ZNF610: variants seen among roughly 807,000 people sequenced by gnomAD.
ZNF610 encodes zinc finger protein 610, also known as zink finger protein.
In ZNF610, 14 loss-of-function variants were observed where a neutral mutation model predicts 14.1. The observed-to-expected ratio is 0.99, with a 90% CI of 0.65 to 1.55. The LOEUF (loss-of-function observed/expected upper bound fraction) is 1.55. Among genes scored for constraint, ZNF610 ranks in the 40% most tolerant of loss-of-function variants. The pLI, the probability that ZNF610 is intolerant of heterozygous loss-of-function variation, is 0.00. For synonymous variants in ZNF610, 185 were observed against 187.6 expected, an observed-to-expected ratio of 0.99 and a Z score of 0.11; for missense variants, 530 against 558.0, an observed-to-expected ratio of 0.95 and a Z score of 0.51.
At chr19:52,341,077 T>C (rs6509632) in intron 1 of ZNF610, among the ~76,000 whole-genome samples, 136,936 of 152,184 alleles carry the variant, frequency 0.9, 62,143 homozygotes, top group African/African-American at 0.98. Context: ...TCGTTCCATT[T>C]TTCAATCTTT....
chr19:52,355,389 C>T (rs1016894842), intron 5 of ZNF610, among the ~76,000 whole-genome samples: 2 of 152,196 alleles, frequency 1.3e-5, no homozygotes, highest in Admixed American at 6.5e-5. Context: ...CCCCCTCTGC[C>T]TGTTCAGGTC....
At chr19:52,344,761 C>T (rs560760156) in intron 1 of ZNF610, among the ~76,000 whole-genome samples, 14 of 152,138 alleles carry the variant, frequency 9.2e-5, no homozygotes, top group African/African-American at 2.2e-4. Flanking sequence ...CTTGCCATTC[C>T]GAGTAGTGTG....
intron 1 of ZNF610, among the ~76,000 whole-genome samples, chr19:52,341,817 A>C (rs1398786498): frequency 1.3e-5 from 2 of 150,240 alleles, no homozygotes; most frequent in Admixed American, 1.3e-4. Flanking sequence ...TTACTTATTT[A>C]TTTATTTTTG....
intron 1 of ZNF610, among the ~76,000 whole-genome samples, chr19:52,340,970 T>C (rs1394086991): frequency 6.6e-6 from 1 of 152,244 alleles, no homozygotes; most frequent in African/African-American, 2.4e-5. Flanking sequence ...CGGGAGCCAC[T>C]GCTCCTGGCC....
At chr19:52,351,917 T>A (rs1262645297) in intron 3 of ZNF610, among the ~76,000 whole-genome samples, 2 of 152,158 alleles carry the variant, frequency 1.3e-5, no homozygotes, top group African/African-American at 4.8e-5. Flanking sequence ...GTTCATGCAT[T>A]TTCCCACTGG....
At chr19:52,345,797 C>G (rs529466060) in intron 1 of ZNF610, among the ~76,000 whole-genome samples, 1 of 151,450 alleles carries the variant, frequency 6.6e-6, no homozygotes, top group Admixed American at 6.6e-5. Flanking sequence ...CTCCGTCTCC[C>G]GGGTTCACAC....
At position 52,367,022 on chromosome 19, in the gene ZNF610, T is replaced by C. The variant is rs1035286049; in HGVS notation, c.*255T>C. On this transcript the variant is annotated 3_prime_UTR_variant, in exon 6 of 6. Coordinates refer to ENST00000403906, the MANE Select transcript of ZNF610 (RefSeq NM_001161425.2). ...ACTACCAGTATAGCATATTCTTGAGTAGGATTCACATTTAACTGCTGGCAC... is the reference window on the plus strand; with the variant it reads ...ACTACCAGTATAGCATATTCTTGAGCAGGATTCACATTTAACTGCTGGCAC... 8.1e-5 allele frequency: 33 copies of C among 409,898 alleles called. No homozygotes were observed. Among genetic ancestry groups the C allele is most frequent in the African/African-American group, 6.5e-4 (32 of 48,888 alleles). The allele number at this position is 409,898 out of a possible 1,614,324, so 25.4% of individuals were successfully genotyped here. A position where few individuals can be genotyped will look rare whatever the true frequency, so the allele number is the denominator to read the frequency against.
intron 5 of ZNF610, among the ~76,000 whole-genome samples, chr19:52,354,826 G>A (rs1414970707): frequency 1.3e-5 from 2 of 151,972 alleles, no homozygotes; most frequent in Admixed American, 1.3e-4. Flanking sequence ...TGATCTGCCT[G>A]CCTCAGCCTC....
chr19:52,336,899 C>A (rs1018473118), intron 1 of ZNF610, among the ~76,000 whole-genome samples: 2 of 152,090 alleles, frequency 1.3e-5, no homozygotes, highest in Non-Finnish European at 2.9e-5. Flanking sequence ...GTGCTCTTGG[C>A]GGAGGTGGGC....
rs764066962 is a variant in ZNF610 at position 52,365,829 on chromosome 19, G to A, written c.451G>A (p.Val151Ile). The A allele has an allele frequency of 1.9e-6, 3 of 1,614,178 alleles. No individual in the cohort carries two copies. In the Admixed American group the frequency reaches 5.0e-5, roughly 27 times the overall value. ...AAGGAAAATTTACAGAAGTAATCAA[G>A]TTGAAAAGTTTACAAACCATCGTTC... Reference protein sequence around the residue: ...AGRKIYRSNQVEKFTNHRSSV... With the variant: ...AGRKIYRSNQIEKFTNHRSSV... The change falls in exon 6 of 6, where the codon GTT becomes ATT. Residue 151 changes from valine to isoleucine, a missense_variant. Val to Ile is a conservative substitution (Grantham distance 29). Coordinates refer to ENST00000403906, the MANE Select transcript of ZNF610 (RefSeq NM_001161425.2).
chr19:52,343,838 C>CA (rs777626107), intron 1 of ZNF610, among the ~76,000 whole-genome samples: 11 of 152,128 alleles, frequency 7.2e-5, no homozygotes, highest in Non-Finnish European at 1.5e-4. Flanking sequence ...TGCAGGTCTT[C>CA]AGAGAGGCCC....
At chr19:52,333,126 A>G (rs56014207), upstream of ZNF610, among the ~76,000 whole-genome samples, 26,728 of 152,232 alleles carry the variant, frequency 0.18, 2,849 homozygotes, top group Middle Eastern at 0.29. Context: ...CAGAGGATAC[A>G]CTACAGCTAT....
chr19:52,341,001 C>T (rs1984666725), intron 1 of ZNF610, among the ~76,000 whole-genome samples: 1 of 152,090 alleles, frequency 6.6e-6, no homozygotes, highest in Admixed American at 6.6e-5. Flanking sequence ...TTTTGGTCAG[C>T]ATACTGAAAT....
rs1341373854 is a variant in ZNF610, at chr19:52,365,864, A to G, written c.486A>G (p.Ser162=). 1.2e-6 allele frequency: 2 copies of G among 1,613,602 alleles called. No individual in the cohort carries two copies. Among genetic ancestry groups the G allele is most frequent in the Non-Finnish European group, 1.7e-6 (2 of 1,179,898 alleles). The change falls in exon 6 of 6, where the codon TCA becomes TCG. Residue 162 remains serine (S), a synonymous_variant. Transcript: ENST00000403906. ...EKFTNHRSSV[S]PLQKISSSFT... ...TTACAAACCATCGTTCCTCAGTTTC[A>G]CCACTTCAAAAAATTTCTTCTAGTT...
intron 2 of ZNF610, among the ~76,000 whole-genome samples, chr19:52,348,733 A>G (rs1985085953): frequency 6.6e-6 from 1 of 152,150 alleles, no homozygotes; most frequent in Admixed American, 6.5e-5. Flanking sequence ...ACATATCCTC[A>G]TGGATACGGG....
At chr19:52,342,073 A>C (rs1984714109) in intron 1 of ZNF610, among the ~76,000 whole-genome samples, 1 of 151,972 alleles carries the variant, frequency 6.6e-6, no homozygotes, top group Non-Finnish European at 1.5e-5. Context: ...CCACCCGAGT[A>C]GCCAGGACTA....
chr19:52,354,660 C>T (rs1985443412), intron 5 of ZNF610, among the ~76,000 whole-genome samples: 1 of 146,390 alleles, frequency 6.8e-6, no homozygotes, highest in South Asian at 2.2e-4. Flanking sequence ...CTCACTGCAA[C>T]TTCTGCCTCC....
At position 52,365,815 on chromosome 19, in the gene ZNF610, A is replaced by C; in HGVS notation, c.437A>C (p.Tyr146Ser). Residue 146 changes from tyrosine to serine, a missense_variant, in exon 6 of 6, where the codon TAC (tyrosine) becomes TCC (serine). Transcript: ENST00000403906. ...CTGTTTCAAGCCGGAAGGAAAATTTACAGAAGTAATCAAGTTGAAAAGTTT... is the reference window on the plus strand; with the variant it reads ...CTGTTTCAAGCCGGAAGGAAAATTTCCAGAAGTAATCAAGTTGAAAAGTTT... ...LQLFQAGRKI[Y>S]RSNQVEKFTN... 6.2e-7 allele frequency: 1 copy of C among 1,614,228 alleles called. No individual in the cohort carries two copies. The highest frequency in any genetic ancestry group is 8.5e-7 in the Non-Finnish European group (1 of 1,180,046).
At position 52,366,637 on chromosome 19, in the gene ZNF610, G is replaced by T. The variant is rs1043554086; in HGVS notation, c.1259G>T (p.Arg420Ile). 4 of 1,614,150 alleles carry T rather than the reference G, an allele frequency of 2.5e-6. No homozygotes were observed. The highest frequency in any genetic ancestry group is 3.4e-6 in the Non-Finnish European group (4 of 1,180,030). ...GRKLYLTNHQ[R>I]IHTGERPYKC... ...AAATTATACCTAACCAACCATCAGAGAATTCATACTGGAGAGAGACCTTAC... is the reference window on the plus strand; with the variant it reads ...AAATTATACCTAACCAACCATCAGATAATTCATACTGGAGAGAGACCTTAC... Residue 420 changes from arginine to isoleucine, a missense_variant, in exon 6 of 6, where the codon AGA (arginine) becomes ATA (isoleucine). Physicochemically the swap from Arg to Ile is moderately conservative, Grantham distance 97. Transcript: ENST00000403906.
Sources: allele counts gnomAD v4.1 joint callset (sites outside exome capture counted in the v4.1 genomes callset), GRCh38; gene constraint gnomAD v4.1.1; transcripts MANE v1.5; gene names NCBI Gene and HGNC (gene_info 2026-07-23, HGNC 2026-07-21).